Variants in TVP23C observed in about 807,000 individuals in gnomAD.
TVP23C encodes the protein Golgi apparatus membrane protein TVP23 homolog C.
TVP23C carries 19 observed loss-of-function variants against 28.7 expected under a neutral mutation model. The observed-to-expected ratio is 0.66, with a 90% confidence interval of 0.46 to 0.97. The LOEUF (loss-of-function observed/expected upper bound fraction) is 0.97. Among genes scored for constraint, TVP23C ranks in the 50% least tolerant of loss-of-function variants. TVP23C has a pLI of 0.00. For synonymous variants in TVP23C, 68 were observed against 81.7 expected (o/e 0.83, Z 0.90); for missense variants, 186 against 241.3 (o/e 0.77, Z 1.52).
intron 5 of TVP23C, among the ~76,000 whole-genome samples, chr17:15,528,543 C>G (rs1982820661): frequency 6.6e-6 from 1 of 152,088 alleles, no homozygotes; most frequent in Admixed American, 6.6e-5. Context: ...GAGAATGTTC[C>G]ATGTTCATTT....
chr17:15,560,345 T>C (rs1307049518), intron 1 of TVP23C, among the ~76,000 whole-genome samples: 1 of 149,266 alleles, frequency 6.7e-6, no homozygotes, highest in Non-Finnish European at 1.5e-5. Flanking sequence ...ATTACAGCCA[T>C]GAGCCCTGCG....
chr17:15,563,237 C>T (rs1168330030), intron 1 of TVP23C, 200 bp downstream of exon 1: 7 of 985,866 alleles, frequency 7.1e-6, no homozygotes, highest in Non-Finnish European at 1.0e-5. Flanking sequence ...CTCTGCGCCG[C>T]ACGGGTCACG....
rs186312766 is a variant in TVP23C, at chr17:15,538,802, G to A, written c.*1610C>T. On this transcript the variant is annotated 3_prime_UTR_variant, in exon 6 of 6. Transcript: ENST00000518321. ...CTTCAGAAACACTGAAAATTCTAAC[G>A]AAAAAAACCTAATAAGCACATACAT... 12 of 985,046 alleles carry A rather than the reference G, an allele frequency of 1.2e-5. No individual in the cohort carries two copies. Among genetic ancestry groups the A allele is most frequent in the Admixed American group, 1.2e-4 (2 of 16,258 alleles). The allele number at this position is 985,046 out of a possible 1,614,324, so 61.0% of individuals were successfully genotyped here. A position where few individuals can be genotyped will look rare whatever the true frequency, so the allele number is the denominator to read the frequency against.
At chr17:15,509,571 CA>C (rs1262955397) in intron 5 of TVP23C, among the ~76,000 whole-genome samples, 1 of 152,200 alleles carries the variant, frequency 6.6e-6, no homozygotes, top group Non-Finnish European at 1.5e-5. Flanking sequence ...ATTAACATTC[CA>C]TTCATCTGGC....
At chr17:15,512,460 G>A (rs1982039865) in intron 5 of TVP23C, among the ~76,000 whole-genome samples, 3 of 152,058 alleles carry the variant, frequency 2.0e-5, no homozygotes, top group Non-Finnish European at 1.5e-5. Flanking sequence ...GTCTACAGGG[G>A]GAATTCACCA....
chr17:15,524,606 T>G (rs1173300079), intron 5 of TVP23C, among the ~76,000 whole-genome samples: 1 of 152,148 alleles, frequency 6.6e-6, no homozygotes, highest in Non-Finnish European at 1.5e-5. Context: ...CAAAGAGGCT[T>G]TCCAGAGGAC....
intron 5 of TVP23C, among the ~76,000 whole-genome samples, chr17:15,507,561 G>A (rs7207783): frequency 0.031 from 4,778 of 152,262 alleles, 193 homozygotes; most frequent in African/African-American, 0.094. Flanking sequence ...TAAATAGGCC[G>A]GGCGCGGTGG....
chr17:15,560,850 G>A (rs1227105780), intron 1 of TVP23C, among the ~76,000 whole-genome samples: 1 of 149,978 alleles, frequency 6.7e-6, no homozygotes, highest in Admixed American at 6.7e-5. Context: ...CACCGCACCC[G>A]GCCAAGTTTT....
Position 15,540,213 on chromosome 17 carries a change from G to A in TVP23C, c.*199C>T, listed in dbSNP as rs1229666850. On this transcript the variant is annotated 3_prime_UTR_variant, in exon 6 of 6. Transcript: ENST00000518321. ...TTTTAAAAAATAAGTTATTATCAATGATAGTTTATCCTTCCTGGCTTTAAA... is the reference window on the plus strand; with the variant it reads ...TTTTAAAAAATAAGTTATTATCAATAATAGTTTATCCTTCCTGGCTTTAAA... 4.8e-6 allele frequency: 6 copies of A among 1,263,064 alleles called. No individual in the cohort carries two copies. Among genetic ancestry groups the A allele is most frequent in the Non-Finnish European group, 6.0e-6 (6 of 998,770 alleles). 78.2% of individuals were successfully genotyped at this position (1,263,064 alleles called of 1,614,324 possible).
chr17:15,538,156 G>A lies in TVP23C; in HGVS notation c.*2256C>T, dbSNP rs779496092. ...GAAGTCTGATCATCTCCAGTGTTCC[G>A]CAAAAGACAAAAAAAGAACTCCTTA... On this transcript the variant is annotated 3_prime_UTR_variant, in exon 6 of 6. Transcript: ENST00000518321. 5.6e-5 allele frequency: 90 copies of A among 1,613,368 alleles called. 2 individuals are homozygous for A. In the South Asian group the frequency reaches 7.8e-4, roughly 14 times the overall value.
chr17:15,539,875 C>A lies in TVP23C; in HGVS notation c.*537G>T. Reference sequence around the variant, plus strand: ...TTGGGAGGCTGAGGTGGGCAGATCACAAGGTCATGAGATGGAGACCATCCT... The same window carrying A: ...TTGGGAGGCTGAGGTGGGCAGATCAAAAGGTCATGAGATGGAGACCATCCT... On this transcript the variant is annotated 3_prime_UTR_variant, in exon 6 of 6. Coordinates refer to ENST00000518321, the MANE Select transcript of TVP23C (RefSeq NM_001135036.2). 1.2e-6 allele frequency: 1 copy of A among 824,026 alleles called. No individual in the cohort carries two copies. The highest frequency in any genetic ancestry group is 1.5e-6 in the Non-Finnish European group (1 of 683,082). 51.0% of individuals were successfully genotyped at this position (824,026 alleles called of 1,614,324 possible). A position where few individuals can be genotyped will look rare whatever the true frequency, so the allele number is the denominator to read the frequency against.
At chr17:15,519,746 T>TA (rs2150834657) in intron 5 of TVP23C, among the ~76,000 whole-genome samples, 1 of 152,016 alleles carries the variant, frequency 6.6e-6, no homozygotes, top group African/African-American at 2.4e-5. Context: ...CTGTATCTAC[T>TA]AAAAAATTAG....
At position 15,537,469 on chromosome 17, in the gene TVP23C, T is replaced by C; in HGVS notation, c.*2943A>G. On this transcript the variant is annotated 3_prime_UTR_variant, in exon 6 of 6. Transcript: ENST00000518321. ...AAATAGAATAGCAGCAATCTCTGGG[T>C]ATTCCTTAAACTATGATGATTCCAC... 4.1e-6 allele frequency: 4 copies of C among 985,200 alleles called. No individual in the cohort carries two copies. Among genetic ancestry groups the C allele is most frequent in the Non-Finnish European group, 4.8e-6 (4 of 829,730 alleles). 61.0% of individuals were successfully genotyped at this position (985,200 alleles called of 1,614,324 possible).
downstream of TVP23C, among the ~76,000 whole-genome samples, chr17:15,536,296 T>A (rs1983154565): frequency 6.6e-6 from 1 of 152,170 alleles, no homozygotes; most frequent in Admixed American, 6.5e-5. Context: ...GAAGCCTTTA[T>A]CACATAGTCC....
chr17:15,503,401 A>G (rs1981579074), intron 5 of TVP23C: 1 of 838,256 alleles, frequency 1.2e-6, no homozygotes, highest in East Asian at 2.9e-5. Context: ...CAAGACCATG[A>G]TATTTCAAGA....
Position 15,502,747 on chromosome 17 carries a change from CCCG to C in TVP23C, c.*114_*116del, listed in dbSNP as rs138126850. 70 of 1,023,708 alleles carry C rather than the reference CCCG, an allele frequency of 6.8e-5. No individual in the cohort carries two copies. The East Asian group carries it at 1.1e-3, about 16-fold the overall frequency. The allele number at this position is 1,023,708 out of a possible 1,614,324, so 63.4% of individuals were successfully genotyped here. ...CTCTCTCTCTTTCTCTCTCCTCTCT[CCCG>C]TCTCTTTCTCTCCTTCTCCGTCACT... is the stretch of plus-strand genomic sequence containing the variant. On this transcript the variant is annotated 3_prime_UTR_variant, in exon 6 of 6. Coordinates refer to the TVP23C transcript ENST00000225576.
At position 15,523,613 on chromosome 17, in the gene TVP23C, A is replaced by AT. The variant is rs757429635; in HGVS notation, c.463-20382dup. On this transcript the variant is annotated intron_variant, in intron 5 of 5. Coordinates refer to the TVP23C transcript ENST00000225576. ...CATGAGCACTGCACCTGGCTGGAAG[A>AT]TTTTTTTTTTTTCTTTTTTTGAGAC... Among the ~76,000 whole-genome samples the AT allele has an allele frequency of 2.1e-3, 282 of 136,486 alleles. 3 individuals carry two copies. The highest frequency in any genetic ancestry group is 5.8e-3 in the African/African-American group (214 of 36,730). The allele number at this position is 136,486 out of a possible 152,430, so 89.5% of individuals were successfully genotyped here. A position where few individuals can be genotyped will look rare whatever the true frequency, so the allele number is the denominator to read the frequency against.
At position 15,540,438 on chromosome 17, in the gene TVP23C, T is replaced by C. The variant is rs1983363235; in HGVS notation, c.586A>G (p.Arg196Gly). 8.1e-6 allele frequency: 13 copies of C among 1,602,048 alleles called. No individual in the cohort carries two copies. Among genetic ancestry groups the C allele is most frequent in the Non-Finnish European group, 1.1e-5 (13 of 1,172,566 alleles). ...ATSYFGKQFL[R>G]QVSVFWM ...CACATCCAGAAAACACTTACTTGTCTTAAAAACTGCTTTCCAAAATATGAA... is the reference window on the plus strand; with the variant it reads ...CACATCCAGAAAACACTTACTTGTCCTAAAAACTGCTTTCCAAAATATGAA... The change falls in exon 6 of 6, where the codon AGA becomes GGA. Residue 196 changes from arginine (R) to glycine (G), a missense_variant. Coordinates refer to ENST00000518321, the MANE Select transcript of TVP23C (RefSeq NM_001135036.2).
intron 5 of TVP23C, among the ~76,000 whole-genome samples, chr17:15,505,185 C>A (rs1026311531): frequency 1.3e-5 from 2 of 152,068 alleles, no homozygotes; most frequent in Non-Finnish European, 2.9e-5. Context: ...GGAGGCAAAA[C>A]AAAACAACAA....
Sources: allele counts gnomAD v4.1 joint callset (sites outside exome capture counted in the v4.1 genomes callset), GRCh38; gene constraint gnomAD v4.1.1; transcripts MANE v1.5; gene names NCBI Gene and HGNC (gene_info 2026-07-23, HGNC 2026-07-21).